Variants in FHAD1 observed in about 807,000 individuals in gnomAD.
The protein encoded by FHAD1 is forkhead associated phosphopeptide binding domain 1.
In FHAD1, 146 loss-of-function variants were observed where a neutral mutation model predicts 191.3. The observed-to-expected ratio is 0.76, with a 90% CI of 0.67 to 0.88. The LOEUF (loss-of-function observed/expected upper bound fraction) is 0.88. Ranked by LOEUF, FHAD1 falls within the 40% of genes least tolerant of loss-of-function variation. The probability of loss-of-function intolerance (pLI) is 0.00; values close to 1 mark genes in which losing one functional copy is unlikely to be tolerated. For synonymous variants in FHAD1, 616 were observed against 672.3 expected (o/e 0.92, Z 1.29); for missense variants, 1,635 against 1,785.8 (o/e 0.92, Z 1.52).
At chr1:15,375,201 A>G (rs1016066417) in intron 27 of FHAD1, among the ~76,000 whole-genome samples, 1 of 152,096 alleles carries the variant, frequency 6.6e-6, no homozygotes, top group Non-Finnish European at 1.5e-5. Context: ...TTTGTCATGG[A>G]TGAATACTGT....
At chr1:15,272,202 A>T in intron 2 of FHAD1, 121 bp from the exon 3 acceptor site, 2 of 890,222 alleles carry the variant, frequency 2.2e-6, no homozygotes, top group South Asian at 1.7e-5. Flanking sequence ...TCCTCCTTTT[A>T]AAATGAGGAT....
chr1:15,244,493 C>G (rs1752024), upstream of FHAD1, among the ~76,000 whole-genome samples: 2 of 151,860 alleles, frequency 1.3e-5, no homozygotes, highest in Admixed American at 6.5e-5. This position sits in a 1 kb window ranked among gnomAD's most constrained non-coding sequence, Gnocchi z 5.1. Flanking sequence ...AGAGTTTGAC[C>G]AAAGACAAGC....
intron 3 of FHAD1, among the ~76,000 whole-genome samples, chr1:15,277,359 A>G (rs995309040): frequency 5.3e-5 from 8 of 152,216 alleles, no homozygotes; most frequent in Admixed American, 1.3e-4. Flanking sequence ...TCAAACTCCA[A>G]TGGCAATCTA....
chr1:15,238,243 T>A (rs2100467334), intron 1 of FHAD1, among the ~76,000 whole-genome samples: 1 of 68,990 alleles, frequency 1.4e-5, no homozygotes, highest in South Asian at 6.7e-4. Context: ...TGAGACTCCA[T>A]CTCAAGGAAA....
At chr1:15,300,399 A>G (rs1668374206) in intron 5 of FHAD1, among the ~76,000 whole-genome samples, 1 of 152,204 alleles carries the variant, frequency 6.6e-6, no homozygotes, top group Admixed American at 6.5e-5. Context: ...TATGTGAATA[A>G]CCAAAAGAGC....
chr1:15,289,447 C>T lies in FHAD1; in HGVS notation c.349C>T (p.Pro117Ser), dbSNP rs1233025134. The part of the protein sequence containing the change: ...RGPAPWPGPQ[P>S]PRATQQPNQA... ...CCCAGCACCATGGCCAGGGCCACAG[C>T]CACCTCGTGCCACACAGCAGCCAAA... Residue 117 changes from proline to serine, a missense_variant, in exon 4 of 34, where the codon CCA becomes TCA. By Grantham distance (74) the Pro-to-Ser change is moderately conservative. Transcript: ENST00000688493. This position sits in a 1 kb window ranked among gnomAD's most constrained non-coding sequence, Gnocchi z 4.2. 48 of 1,551,794 alleles carry T rather than the reference C, an allele frequency of 3.1e-5. No homozygotes were observed. Among genetic ancestry groups the T allele is most frequent in the Non-Finnish European group, 3.7e-5 (43 of 1,147,018 alleles).
chr1:15,355,819 C>A (rs1692551372), intron 20 of FHAD1, among the ~76,000 whole-genome samples: 1 of 151,880 alleles, frequency 6.6e-6, no homozygotes, highest in Admixed American at 6.6e-5. Flanking sequence ...GATGCAGCAA[C>A]TCCCAGGCAA....
downstream of FHAD1, among the ~76,000 whole-genome samples, chr1:15,401,748 G>A (rs1331705126): frequency 1.3e-5 from 2 of 152,144 alleles, no homozygotes; most frequent in Non-Finnish European, 2.9e-5. Context: ...ACCTAATAAC[G>A]CTAATGCATG....
chr1:15,274,618 A>T (rs1006607368), intron 3 of FHAD1, among the ~76,000 whole-genome samples: 2 of 152,136 alleles, frequency 1.3e-5, no homozygotes, highest in African/African-American at 4.8e-5. Flanking sequence ...CCTCAAAAAA[A>T]AAAAAAGATT....
rs1209571909 is a variant in FHAD1 at position 15,316,014 on chromosome 1, T to C, written c.1171-364T>C. ...CCAGGGCAGTGGTGTCTTGGAGGAG[T>C]GAATTGCATGAAGCACTGAGAGCCG... is the stretch of plus-strand genomic sequence containing the variant. On this transcript the variant is annotated intron_variant, in intron 8 of 33. Transcript: ENST00000688493. The surrounding 1 kb of genome is among the most constrained non-coding windows in gnomAD (Gnocchi z 4.3). 1.3e-5 allele frequency among the ~76,000 whole-genome samples: 2 copies of C among 151,894 alleles called. No homozygotes were observed. The highest frequency in any genetic ancestry group is 2.9e-5 in the Non-Finnish European group (2 of 67,992).
chr1:15,259,126 G>C (rs1048158218), intron 2 of FHAD1, among the ~76,000 whole-genome samples: 4 of 152,126 alleles, frequency 2.6e-5, no homozygotes, highest in African/African-American at 7.2e-5. Context: ...ATCCTAATGA[G>C]AGTGAGGTAG....
At chr1:15,399,625 A>G (rs1261601124), downstream of FHAD1, among the ~76,000 whole-genome samples, 2 of 152,180 alleles carry the variant, frequency 1.3e-5, no homozygotes, top group African/African-American at 2.4e-5. Flanking sequence ...AATACACTAG[A>G]AAATCTCAGA....
chr1:15,345,873 C>T (rs1334374322), intron 18 of FHAD1, among the ~76,000 whole-genome samples: 7 of 152,148 alleles, frequency 4.6e-5, no homozygotes, highest in African/African-American at 1.2e-4. Context: ...CGTGGACCCT[C>T]CACCAGCATC....
rs753308879 is a variant in FHAD1 at position 15,381,183 on chromosome 1, C to T, written c.3802-48C>T. 1.4e-5 allele frequency: 19 copies of T among 1,355,172 alleles called. 3 individuals carry two copies. The South Asian group carries it at 1.7e-4, about 12-fold the overall frequency. 83.9% of individuals were successfully genotyped at this position (1,355,172 alleles called of 1,614,324 possible). A position where few individuals can be genotyped will look rare whatever the true frequency, so the allele number is the denominator to read the frequency against. On this transcript the variant is annotated intron_variant, in intron 29 of 33. Transcript: ENST00000688493. The surrounding 1 kb of genome is among the most constrained non-coding windows in gnomAD (Gnocchi z 4.6). ...GACATTGGCCTCCTTAAAGCGGCCA[C>T]CAGCGGCCGCGGGTAATGCCTCTTA...
At chr1:15,352,793 C>T (rs1487099035) in intron 19 of FHAD1, 84 bp from the exon 20 acceptor site, 10 of 1,014,172 alleles carry the variant, frequency 9.9e-6, no homozygotes, top group Non-Finnish European at 1.5e-5. Context: ...TGGTGGCTTC[C>T]ACGGTGACTC....
At chr1:15,357,548 G>A (rs1042778511) in intron 20 of FHAD1, among the ~76,000 whole-genome samples, 3 of 151,362 alleles carry the variant, frequency 2.0e-5, no homozygotes, top group African/African-American at 7.3e-5. Context: ...GCTTGAACCT[G>A]GGAGGCGGAG....
chr1:15,271,755 C>A (rs1219250553), intron 2 of FHAD1, among the ~76,000 whole-genome samples: 1 of 152,020 alleles, frequency 6.6e-6, no homozygotes, highest in African/African-American at 2.4e-5. Context: ...AGGATGTGAA[C>A]CTCAATGTTA....
At chr1:15,366,023 C>T in intron 24 of FHAD1, 90 bp downstream of exon 24, 1 of 894,250 alleles carries the variant, frequency 1.1e-6, no homozygotes, top group Non-Finnish European at 1.8e-6. Context: ...CGCAGTGGCG[C>T]ACGCCTATAA....
At chr1:15,320,338 T>C (rs559681516) in intron 10 of FHAD1, among the ~76,000 whole-genome samples, 5 of 152,354 alleles carry the variant, frequency 3.3e-5, no homozygotes, top group African/African-American at 1.2e-4. Context: ...TTGGGTTTAG[T>C]ATTCTGTATA....
Sources: gnomAD v4.1 joint callset for allele counts (sites outside exome capture counted in the v4.1 genomes callset) on GRCh38, gnomAD v4.1.1 for gene constraint, Gnocchi (gnomAD v3.1) non-coding constraint, MANE v1.5 for transcripts, NCBI Gene and HGNC (gene_info 2026-07-23, HGNC 2026-07-21) for gene names.